Variants in CNPY1 observed in about 807,000 individuals in gnomAD.
The protein encoded by CNPY1 is canopy FGF signaling regulator 1.
Under a neutral mutation model 14.4 loss-of-function variants are expected in CNPY1, and 14 were observed. That is an observed-to-expected ratio of 0.97 (90% CI 0.64 to 1.52). The LOEUF is 1.52. Ranked by LOEUF, CNPY1 falls within the 40% of genes most tolerant of loss-of-function variation. The pLI is 0.00. For missense variants in CNPY1, 129 were observed against 131.5 expected (o/e 0.98, Z 0.09); for synonymous variants, 43 against 46.5 (o/e 0.92, Z 0.31).
chr7:155,521,545 C>T (rs533740550), intron 2 of CNPY1, among the ~76,000 whole-genome samples: 1 of 152,356 alleles, frequency 6.6e-6, no homozygotes, highest in Admixed American at 6.5e-5. Flanking sequence ...TGGTCTGGGC[C>T]TGAAATCGCC....
intron 2 of CNPY1, among the ~76,000 whole-genome samples, chr7:155,520,272 C>T (rs545449477): frequency 5.9e-5 from 9 of 152,312 alleles, no homozygotes; most frequent in African/African-American, 1.7e-4. Flanking sequence ...TGTTTATCCT[C>T]TCCACTTGGA....
intron 2 of CNPY1, 110 bp from the exon 3 acceptor site, chr7:155,509,207 GC>G: frequency 1.7e-6 from 1 of 598,078 alleles, no homozygotes. Flanking sequence ...GCAAACGTGT[GC>G]CACTTCCCTA....
intron 2 of CNPY1, chr7:155,510,159 G>A (rs1314694119): frequency 6.6e-6 from 1 of 152,280 alleles, no homozygotes; most frequent in East Asian, 1.9e-4. Flanking sequence ...TTCAGGCGCA[G>A]TATGAACCCT....
In CNPY1 at chr7:155,515,321, GAACTCT is replaced by G. The variant is rs779194841; in HGVS notation, c.100-6230_100-6225del. ...CCCCCCCCCCCCCGGCCCCGGCCAG[GAACTCT>G]TTCACATCCTAAGAACAGGCCTCGG... On this transcript the variant is annotated intron_variant, in intron 2 of 4. Coordinates refer to ENST00000636446, the MANE Select transcript of CNPY1 (RefSeq NM_001393663.1). 1.1e-3 allele frequency among the ~76,000 whole-genome samples: 138 copies of G among 131,146 alleles called. 1 individual carries two copies. The highest frequency in any genetic ancestry group is 2.3e-3 in the Admixed American group (27 of 11,594). The allele number at this position is 131,146 out of a possible 152,430, so 86.0% of individuals were successfully genotyped here. A position where few individuals can be genotyped will look rare whatever the true frequency, so the allele number is the denominator to read the frequency against.
chr7:155,542,129 C>A (rs1797091672), intron 2 of CNPY1, among the ~76,000 whole-genome samples: 1 of 152,158 alleles, frequency 6.6e-6, no homozygotes, highest in Admixed American at 6.5e-5. Context: ...TATTCACAAC[C>A]CCTGCTGTAG....
intron 2 of CNPY1, among the ~76,000 whole-genome samples, chr7:155,532,604 G>A (rs1307842256): frequency 1.3e-5 from 2 of 150,860 alleles, no homozygotes; most frequent in Non-Finnish European, 3.0e-5. Flanking sequence ...CTGGGCGAGA[G>A]TGCGAGACTC....
intron 2 of CNPY1, among the ~76,000 whole-genome samples, chr7:155,514,551 A>G (rs1796581151): frequency 6.6e-6 from 1 of 152,174 alleles, no homozygotes; most frequent in Non-Finnish European, 1.5e-5. Context: ...GCATTTCCCA[A>G]CTTGGTCTTC....
rs1322505414 is a variant in CNPY1, at chr7:155,536,552, G to A, written c.99+9279C>T. On this transcript the variant is annotated intron_variant, in intron 2 of 4. Transcript: ENST00000636446. This position sits in a 1 kb window ranked among gnomAD's most constrained non-coding sequence, Gnocchi z 4.1. ...TTCCAACTAGGTGAGGACATGTGCT[G>A]GAGTCCCAGCCGTGGAACGTAGGCA... is the stretch of plus-strand genomic sequence containing the variant. Among the ~76,000 whole-genome samples the A allele has an allele frequency of 6.6e-6, 1 of 152,144 alleles. No individual in the cohort carries two copies. The highest frequency in any genetic ancestry group is 1.5e-5 in the Non-Finnish European group (1 of 68,022).
rs60236629 is a variant in CNPY1 at position 155,502,003 on chromosome 7, T to TGGGGGGGGGGGTG, written c.*1064_*1065insCACCCCCCCCCCC. 2.4e-5 allele frequency: 3 copies of TGGGGGGGGGGGTG among 125,320 alleles called. No individual in the cohort carries two copies. The highest frequency in any genetic ancestry group is 5.0e-5 in the Non-Finnish European group (3 of 60,130). 7.8% of individuals were successfully genotyped at this position (125,320 alleles called of 1,614,324 possible). A position where few individuals can be genotyped will look rare whatever the true frequency, so the allele number is the denominator to read the frequency against. ...GCAAAGAGTTTTGGGTCGGGGGGGTTGGGGGGGGGATTTGTAGCATCCTAC... is the reference window on the plus strand; with the variant it reads ...GCAAAGAGTTTTGGGTCGGGGGGGTTGGGGGGGGGGGTGGGGGGGGGGATTTGTAGCATCCTAC... On this transcript the variant is annotated 3_prime_UTR_variant, in exon 5 of 5. Transcript: ENST00000636446.
At chr7:155,540,738 T>C (rs962682756) in intron 2 of CNPY1, among the ~76,000 whole-genome samples, 1 of 152,212 alleles carries the variant, frequency 6.6e-6, no homozygotes, top group Non-Finnish European at 1.5e-5. Context: ...GGTCATCCTG[T>C]ATCCAGTGAC....
In CNPY1 at chr7:155,507,168, C is replaced by T. The variant is rs1554447361; in HGVS notation, c.304-52G>A. 4.3e-6 allele frequency: 5 copies of T among 1,152,854 alleles called. 1 individual carries two copies. The South Asian group carries it at 6.2e-5, about 14-fold the overall frequency. 71.4% of individuals were successfully genotyped at this position (1,152,854 alleles called of 1,614,324 possible). ...TGGATAGACGCACACTGGCGGGGCACTTTGTTAGGAAGGACTTTGCAACAA... is the reference window on the plus strand; with the variant it reads ...TGGATAGACGCACACTGGCGGGGCATTTTGTTAGGAAGGACTTTGCAACAA... On this transcript the variant is annotated intron_variant, in intron 3 of 4. Transcript: ENST00000636446.
intron 2 of CNPY1, among the ~76,000 whole-genome samples, chr7:155,538,955 G>A (rs1277270615): frequency 1.3e-5 from 2 of 152,158 alleles, no homozygotes; most frequent in East Asian, 3.9e-4. Context: ...TGATCCAAAG[G>A]AGACCAGTGC....
Position 155,502,945 on chromosome 7 carries a change from A to G in CNPY1, c.*123T>C. On this transcript the variant is annotated 3_prime_UTR_variant, in exon 5 of 5. Transcript: ENST00000636446. The stretch of plus-strand genomic sequence containing the variant: ...TTCAAAATGAATCATAAACGGAGAC[A>G]AACACGGTATAAACAAGAGACAAAA... 3 of 793,130 alleles carry G rather than the reference A, an allele frequency of 3.8e-6. No homozygotes were observed. The highest frequency in any genetic ancestry group is 2.6e-5 in the East Asian group (1 of 37,920). The allele number at this position is 793,130 out of a possible 1,614,324, so 49.1% of individuals were successfully genotyped here.
At chr7:155,510,264 C>G (rs1345600127) in intron 2 of CNPY1, 1 of 152,196 alleles carries the variant, frequency 6.6e-6, no homozygotes, top group Non-Finnish European at 1.5e-5. Context: ...ATCTCATCAG[C>G]GGCGCGGCGG....
intron 2 of CNPY1, among the ~76,000 whole-genome samples, chr7:155,545,338 G>A (rs182371856): frequency 1.3e-5 from 2 of 152,166 alleles, no homozygotes; most frequent in Non-Finnish European, 2.9e-5. Flanking sequence ...CTGATCCTCA[G>A]GGGGAGCCCC....
chr7:155,543,015 C>G (rs1797105040), intron 2 of CNPY1, among the ~76,000 whole-genome samples: 1 of 152,156 alleles, frequency 6.6e-6, no homozygotes, highest in South Asian at 2.1e-4. Context: ...CGTGGCTCCC[C>G]TTAGGAACTC....
intron 4 of CNPY1, among the ~76,000 whole-genome samples, 190 bp from the exon 5 acceptor site, chr7:155,503,295 C>T (rs916524236): frequency 1.3e-5 from 2 of 152,030 alleles, no homozygotes; most frequent in African/African-American, 2.4e-5. Context: ...TATTCCCCTG[C>T]ACCCCAAACC....
At chr7:155,529,141 C>G (rs1191021247) in intron 2 of CNPY1, among the ~76,000 whole-genome samples, 1 of 152,104 alleles carries the variant, frequency 6.6e-6, no homozygotes, top group East Asian at 1.9e-4. Flanking sequence ...TCCGAAGACC[C>G]CAGGAGAGGG....
At chr7:155,512,933 C>T (rs1053065333) in intron 2 of CNPY1, among the ~76,000 whole-genome samples, 6 of 152,304 alleles carry the variant, frequency 3.9e-5, no homozygotes, top group Middle Eastern at 3.4e-3. Context: ...AATATTGCAT[C>T]TAGTTTAATC....
Sources: allele counts gnomAD v4.1 joint callset (sites outside exome capture counted in the v4.1 genomes callset), GRCh38; gene constraint gnomAD v4.1.1; non-coding constraint Gnocchi (gnomAD v3.1); transcripts MANE v1.5; gene names NCBI Gene and HGNC (gene_info 2026-07-23, HGNC 2026-07-21).